PTPRR: variants seen among roughly 807,000 people sequenced by gnomAD.
PTPRR encodes the protein protein tyrosine phosphatase receptor type R.
A neutral mutation model predicts 77.2 loss-of-function variants in PTPRR; 38 were observed. The observed-to-expected ratio is 0.49, with a 90% CI of 0.38 to 0.65. The LOEUF (loss-of-function observed/expected upper bound fraction) is 0.65, where lower values mean the gene tolerates loss of function less well. Among genes scored for constraint, PTPRR ranks in the 30% least tolerant of loss-of-function variants. The pLI is 0.00. For missense variants in PTPRR, 744 were observed against 799.2 expected (o/e 0.93, Z 0.83); for synonymous variants, 299 against 283.1 (o/e 1.06, Z -0.57).
At chr12:70,824,130 C>T (rs950791671) in intron 2 of PTPRR, among the ~76,000 whole-genome samples, 3 of 152,192 alleles carry the variant, frequency 2.0e-5, no homozygotes, top group Non-Finnish European at 2.9e-5. Context: ...CCAGGTTAGG[C>T]GCTCTTCTTC....
In PTPRR at chr12:70,761,586, T is replaced by C. The variant is rs1409879366; in HGVS notation, c.512A>G (p.Asn171Ser). 1 of 1,611,752 alleles carries C rather than the reference T, an allele frequency of 6.2e-7. No homozygotes were observed. Among genetic ancestry groups the C allele is most frequent in the Non-Finnish European group, 8.5e-7 (1 of 1,178,700 alleles). The change falls in exon 4 of 14, where the codon AAC becomes AGC. Residue 171 changes from asparagine (N) to serine (S), a missense_variant. Asn to Ser is a conservative substitution (Grantham distance 46). This residue lies in a region of PTPRR where 570 missense variants were observed against 573.2 expected (regional missense o/e 0.99). Coordinates refer to ENST00000283228, the MANE Select transcript of PTPRR (RefSeq NM_002849.4). ...NSIELFVSPI[N>S]RKTGISDALP... The stretch of plus-strand genomic sequence containing the variant: ...AGCATCAGAAATTCCTGTTTTTCGG[T>C]TTATGGGAGACACAAACAGTTCAAT...
At chr12:70,667,089 G>A (rs886862592) in intron 10 of PTPRR, among the ~76,000 whole-genome samples, 3 of 151,554 alleles carry the variant, frequency 2.0e-5, no homozygotes, top group African/African-American at 7.3e-5. Flanking sequence ...CCGAGTAGCT[G>A]GGACTACAGG....
In PTPRR at chr12:70,892,676, T is replaced by TA; in HGVS notation, c.357+2dup. 6.2e-7 allele frequency: 1 copy of TA among 1,612,870 alleles called. No individual in the cohort carries two copies. The highest frequency in any genetic ancestry group is 8.5e-7 in the Non-Finnish European group (1 of 1,179,062). ...CTCAGCATCAGTTTAACATACTACT[T>TA]ACCACCACAATTACATTTGCTGCTG... On this transcript the variant is annotated splice_region_variant and intron_variant, in intron 2 of 13. Coordinates refer to ENST00000283228, the MANE Select transcript of PTPRR (RefSeq NM_002849.4).
At chr12:70,734,761 AT>A (rs1161035138) in intron 6 of PTPRR, among the ~76,000 whole-genome samples, 1 of 152,146 alleles carries the variant, frequency 6.6e-6, no homozygotes, top group African/African-American at 2.4e-5. Context: ...TGGCTTAAAC[AT>A]TTCAGGGTCT....
intron 2 of PTPRR, among the ~76,000 whole-genome samples, chr12:70,859,703 C>T (rs1040250596): frequency 6.6e-6 from 1 of 151,962 alleles, no homozygotes; most frequent in African/African-American, 2.4e-5. Flanking sequence ...AAATAGGCAA[C>T]AAATATATCA....
chr12:70,752,577 G>A (rs1416925763), intron 5 of PTPRR, among the ~76,000 whole-genome samples: 2 of 152,158 alleles, frequency 1.3e-5, no homozygotes, highest in African/African-American at 4.8e-5. Flanking sequence ...CTCTGTTTCT[G>A]CTGCCCTTTA....
intron 2 of PTPRR, among the ~76,000 whole-genome samples, chr12:70,782,009 T>C (rs1281304804): frequency 6.6e-6 from 1 of 152,172 alleles, no homozygotes; most frequent in Non-Finnish European, 1.5e-5. Flanking sequence ...TTATGATCAA[T>C]TGATAAGCTA....
intron 1 of PTPRR, among the ~76,000 whole-genome samples, chr12:70,900,332 T>C (rs1045924765): frequency 6.6e-6 from 1 of 151,460 alleles, no homozygotes; most frequent in Non-Finnish European, 1.5e-5. Flanking sequence ...AGAGATTTCA[T>C]GCAGAAGCAT....
At chr12:70,740,082 G>T (rs1433768477) in intron 6 of PTPRR, among the ~76,000 whole-genome samples, 1 of 152,076 alleles carries the variant, frequency 6.6e-6, no homozygotes, top group African/African-American at 2.4e-5. Flanking sequence ...ATGAAAGATT[G>T]TTATAGCAAG....
intron 6 of PTPRR, among the ~76,000 whole-genome samples, chr12:70,741,636 G>A (rs1383269091): frequency 6.6e-6 from 1 of 152,216 alleles, no homozygotes; most frequent in Non-Finnish European, 1.5e-5. Context: ...TTTGGTGGAA[G>A]GTGGCGTCTC....
chr12:70,711,673 T>C (rs1888833800), intron 6 of PTPRR, among the ~76,000 whole-genome samples: 1 of 152,072 alleles, frequency 6.6e-6, no homozygotes, highest in Non-Finnish European at 1.5e-5. Flanking sequence ...TTTTTAGTCA[T>C]TGGAAAGAAA....
At chr12:70,762,396 C>T (rs767257111) in intron 3 of PTPRR, among the ~76,000 whole-genome samples, 3 of 152,064 alleles carry the variant, frequency 2.0e-5, no homozygotes. Context: ...TTATTCTTAG[C>T]TTTCTTTCTG....
intron 2 of PTPRR, among the ~76,000 whole-genome samples, chr12:70,883,129 C>T (rs1007746901): frequency 1.3e-5 from 2 of 152,060 alleles, no homozygotes; most frequent in African/African-American, 4.8e-5. Flanking sequence ...AACCTGGTGG[C>T]AGGTGCCTGT....
intron 2 of PTPRR, among the ~76,000 whole-genome samples, chr12:70,864,980 T>A (rs1356094256): frequency 1.3e-5 from 2 of 151,902 alleles, no homozygotes; most frequent in African/African-American, 4.8e-5. Context: ...CCTGGCTAAT[T>A]TTTTTTGTAT....
chr12:70,767,804 T>C (rs924540169), intron 2 of PTPRR, among the ~76,000 whole-genome samples: 1 of 152,148 alleles, frequency 6.6e-6, no homozygotes, highest in African/African-American at 2.4e-5. Context: ...ACAGAAATTG[T>C]AACAATTGTC....
intron 2 of PTPRR, among the ~76,000 whole-genome samples, chr12:70,854,084 T>TA (rs953500298): frequency 6.6e-6 from 1 of 152,202 alleles, no homozygotes; most frequent in Non-Finnish European, 1.5e-5. Flanking sequence ...TTTCCCATTC[T>TA]AAAATTGCAT....
At chr12:70,803,066 A>T (rs1346466404) in intron 2 of PTPRR, among the ~76,000 whole-genome samples, 1 of 152,192 alleles carries the variant, frequency 6.6e-6, no homozygotes, top group Non-Finnish European at 1.5e-5. Context: ...TATCTTCAAA[A>T]CCCAAATTTA....
At chr12:70,887,792 T>C (rs2071901926) in intron 2 of PTPRR, among the ~76,000 whole-genome samples, 1 of 151,852 alleles carries the variant, frequency 6.6e-6, no homozygotes, top group Non-Finnish European at 1.5e-5. Flanking sequence ...GACACAGGGA[T>C]AGGCCAGGTG....
chr12:70,706,351 G>A lies in PTPRR; in HGVS notation c.1008-5028C>T, dbSNP rs1026850125. 1.1e-4 allele frequency among the ~76,000 whole-genome samples: 16 copies of A among 152,066 alleles called. No individual in the cohort carries two copies. The East Asian group carries it at 1.2e-3, about 11-fold the overall frequency. ...ACATAAATGGAGTGTTACCAATTTC[G>A]AGAACTGAAATAAATGAGTAGGTAT... On this transcript the variant is annotated intron_variant, in intron 6 of 13. Transcript: ENST00000283228.
Sources: allele counts gnomAD v4.1 joint callset (sites outside exome capture counted in the v4.1 genomes callset), GRCh38; gene constraint gnomAD v4.1.1; regional missense constraint gnomAD v4.1.1; transcripts MANE v1.5; gene names NCBI Gene and HGNC (gene_info 2026-07-23, HGNC 2026-07-21).